PRKG1: variants seen among roughly 807,000 people sequenced by gnomAD.
PRKG1 encodes the protein cGMP-dependent protein kinase 1.
In PRKG1, 35 loss-of-function variants were observed where a neutral mutation model predicts 88.1. The ratio of observed to expected loss-of-function variants is 0.40; its 90% confidence interval spans 0.30 to 0.53. PRKG1 has a LOEUF of 0.53. PRKG1 is among the 20% of genes least tolerant of loss of function. The pLI is 0.59. For synonymous variants in PRKG1, 303 were observed against 292.5 expected, an observed-to-expected ratio of 1.04 and a Z score of -0.37; for missense variants, 540 against 839.8, an observed-to-expected ratio of 0.64 and a Z score of 4.41.
At chr10:51,539,882 G>A (rs1408895731) in intron 3 of PRKG1, among the ~76,000 whole-genome samples, 1 of 152,036 alleles carries the variant, frequency 6.6e-6, no homozygotes, top group Admixed American at 6.6e-5. Flanking sequence ...AAATCAATGG[G>A]AATTATTTTA....
intron 3 of PRKG1, among the ~76,000 whole-genome samples, chr10:51,503,572 C>A (rs1227761066): frequency 6.6e-6 from 1 of 152,188 alleles, no homozygotes; most frequent in Non-Finnish European, 1.5e-5. Flanking sequence ...AGGTCTGTAT[C>A]CTTAGCCAGC....
chr10:51,106,433 G>C (rs10822230), intron 1 of PRKG1, among the ~76,000 whole-genome samples: 1 of 151,794 alleles, frequency 6.6e-6, no homozygotes, highest in African/African-American at 2.4e-5. Flanking sequence ...TCTTTTTTTC[G>C]GGACTGAGAA....
At chr10:51,981,717 T>A (rs1199303131) in intron 5 of PRKG1, among the ~76,000 whole-genome samples, 1 of 152,198 alleles carries the variant, frequency 6.6e-6, no homozygotes, top group Admixed American at 6.5e-5. Flanking sequence ...GTCGCTTATC[T>A]GACATTTTTC....
chr10:51,004,246 C>T (rs1842918810), intron 1 of PRKG1, among the ~76,000 whole-genome samples: 1 of 152,132 alleles, frequency 6.6e-6, no homozygotes, highest in Admixed American at 6.6e-5. Context: ...GGCAGATCAC[C>T]TGAGGCTGGG....
At chr10:52,149,688 A>G (rs1043456929) in intron 8 of PRKG1, among the ~76,000 whole-genome samples, 2 of 152,258 alleles carry the variant, frequency 1.3e-5, no homozygotes, top group Admixed American at 1.3e-4. Flanking sequence ...GTGGACTTCC[A>G]GCCTCCAGAA....
intron 5 of PRKG1, among the ~76,000 whole-genome samples, chr10:51,966,404 T>C (rs1218812197): frequency 6.6e-6 from 1 of 152,208 alleles, no homozygotes; most frequent in Non-Finnish European, 1.5e-5. Flanking sequence ...TGTGTCATTT[T>C]CTGCTTTAAT....
intron 3 of PRKG1, among the ~76,000 whole-genome samples, chr10:51,647,595 T>A (rs1344122062): frequency 6.6e-6 from 1 of 152,216 alleles, no homozygotes; most frequent in Admixed American, 6.5e-5. Flanking sequence ...ATTCAATGAC[T>A]AATTGTTTGA....
Position 51,834,649 on chromosome 10 carries a change from A to G in PRKG1, c.698+29959A>G, listed in dbSNP as rs189555018. Among the ~76,000 whole-genome samples, 1,082 of 151,004 alleles carry G rather than the reference A, an allele frequency of 7.2e-3. 4 individuals carry two copies. The highest frequency in any genetic ancestry group is 0.011 in the Non-Finnish European group (763 of 67,906). ...GGGTGACACAGTGACACCCTGTCAA[A>G]AAGAAAGAAAGAAGGAAAGAAAGAA... is the stretch of plus-strand genomic sequence containing the variant. On this transcript the variant is annotated intron_variant, in intron 4 of 17. Coordinates refer to ENST00000373980, the MANE Select transcript of PRKG1 (RefSeq NM_006258.4).
rs556934845 is a variant in PRKG1 at position 51,217,041 on chromosome 10, A to G, written c.478+63711A>G. On this transcript the variant is annotated intron_variant, in intron 2 of 17. Transcript: ENST00000373980. Reference sequence around the variant, plus strand: ...AATAAGAAAATGATCTCCTGTGCAGATAGTCAAATTGAAAAGCTCATGGGT... The same window carrying G: ...AATAAGAAAATGATCTCCTGTGCAGGTAGTCAAATTGAAAAGCTCATGGGT... Among the ~76,000 whole-genome samples, 6 of 152,258 alleles carry G rather than the reference A, an allele frequency of 3.9e-5. No homozygotes were observed. In the East Asian group the frequency reaches 7.7e-4, roughly 20 times the overall value.
intron 3 of PRKG1, among the ~76,000 whole-genome samples, chr10:51,543,005 C>T (rs1842348647): frequency 6.6e-6 from 1 of 152,114 alleles, no homozygotes; most frequent in Non-Finnish European, 1.5e-5. Flanking sequence ...GAGTGGCGCA[C>T]CTGGCATTCA....
At chr10:51,236,278 A>G (rs139691901) in intron 2 of PRKG1, among the ~76,000 whole-genome samples, 290 of 152,272 alleles carry the variant, frequency 1.9e-3, no homozygotes, top group African/African-American at 6.5e-3. Context: ...TAACTCTGCA[A>G]TGATAACCTG....
chr10:51,191,611 CT>C (rs1837633166), intron 2 of PRKG1, among the ~76,000 whole-genome samples: 2 of 151,710 alleles, frequency 1.3e-5, no homozygotes, highest in Admixed American at 6.6e-5. Context: ...AGATACTGTG[CT>C]AAATGCTTTT....
chr10:52,040,239 C>A (rs1389689619), intron 5 of PRKG1, among the ~76,000 whole-genome samples: 2 of 152,154 alleles, frequency 1.3e-5, no homozygotes, highest in Non-Finnish European at 2.9e-5. Context: ...CTGTGATCAA[C>A]CTGCTCTTTT....
intron 1 of PRKG1, among the ~76,000 whole-genome samples, chr10:51,068,748 A>G (rs957203129): frequency 6.6e-6 from 1 of 152,010 alleles, no homozygotes; most frequent in Non-Finnish European, 1.5e-5. Flanking sequence ...TACCTTAGTA[A>G]AAGATGCACA....
intron 3 of PRKG1, among the ~76,000 whole-genome samples, chr10:51,762,407 G>C (rs1194886610): frequency 6.6e-6 from 1 of 152,126 alleles, no homozygotes; most frequent in East Asian, 1.9e-4. Flanking sequence ...TATTGATTGG[G>C]TATACCTGAG....
At chr10:51,418,788 T>C (rs1838320234) in intron 2 of PRKG1, among the ~76,000 whole-genome samples, 2 of 152,146 alleles carry the variant, frequency 1.3e-5, no homozygotes, top group South Asian at 2.1e-4. Context: ...ACTAATGCAA[T>C]GAATATTTTA....
At chr10:51,851,739 T>C (rs1387473844) in intron 4 of PRKG1, among the ~76,000 whole-genome samples, 2 of 152,190 alleles carry the variant, frequency 1.3e-5, no homozygotes, top group Non-Finnish European at 2.9e-5. Context: ...TCTAATGCAA[T>C]GCTCTTCTGG....
At chr10:51,876,863 T>A (rs1841313064) in intron 4 of PRKG1, among the ~76,000 whole-genome samples, 1 of 152,146 alleles carries the variant, frequency 6.6e-6, no homozygotes, top group Non-Finnish European at 1.5e-5. Context: ...GCCTGGGTTT[T>A]ACCTGGGTTC....
chr10:51,763,483 T>G (rs1838076028), intron 3 of PRKG1, among the ~76,000 whole-genome samples: 1 of 151,864 alleles, frequency 6.6e-6, no homozygotes, highest in Admixed American at 6.6e-5. Flanking sequence ...GAACTCCTGG[T>G]CTCAAGCAAT....
Sources: gnomAD v4.1 joint callset for allele counts (sites outside exome capture counted in the v4.1 genomes callset) on GRCh38, gnomAD v4.1.1 for gene constraint, MANE v1.5 for transcripts, NCBI Gene and HGNC (gene_info 2026-07-23, HGNC 2026-07-21) for gene names.